CCDC43: variants seen among roughly 807,000 people sequenced by gnomAD.
CCDC43 encodes coiled-coil domain containing 43.
A neutral mutation model predicts 33.3 loss-of-function variants in CCDC43; 20 were observed. The ratio of observed to expected loss-of-function variants is 0.60; its 90% CI spans 0.42 to 0.87. The LOEUF (loss-of-function observed/expected upper bound fraction) is 0.87, where lower values mean the gene tolerates loss of function less well. Among genes scored for constraint, CCDC43 ranks in the 40% least tolerant of loss-of-function variants. The pLI is 0.00. For missense variants in CCDC43, 248 were observed against 269.9 expected (o/e 0.92, Z 0.57); for synonymous variants, 104 against 106.5 (o/e 0.98, Z 0.14).
rs1267728968 is a variant in CCDC43 at position 44,677,976 on chromosome 17, CAATA to C, written c.*876_*879del. 2.6e-5 allele frequency: 4 copies of C among 152,558 alleles called. No individual in the cohort carries two copies. The highest frequency in any genetic ancestry group is 6.6e-5 in the Admixed American group (1 of 15,262). The allele number at this position is 152,558 out of a possible 1,614,324, so 9.5% of individuals were successfully genotyped here. A position where few individuals can be genotyped will look rare whatever the true frequency, so the allele number is the denominator to read the frequency against. ...CAGTTTTTCCATTCACTCATTCATT[CAATA>C]AATTTGTTGAGCACCTACTATGTAC... On this transcript the variant is annotated 3_prime_UTR_variant, in exon 5 of 5. Transcript: ENST00000315286.
intron 1 of CCDC43, among the ~76,000 whole-genome samples, chr17:44,686,204 C>T (rs560621480): frequency 1.6e-4 from 24 of 152,232 alleles, no homozygotes; most frequent in African/African-American, 5.3e-4. Context: ...TTAGCCACCG[C>T]GCCCAGCCGA....
At chr17:44,688,600 G>A (rs1972276581) in intron 1 of CCDC43, among the ~76,000 whole-genome samples, 2 of 152,148 alleles carry the variant, frequency 1.3e-5, no homozygotes, top group South Asian at 4.1e-4. Context: ...GTAGCAATCA[G>A]GTATCCAGGA....
chr17:44,687,394 C>T (rs996810981), intron 1 of CCDC43, among the ~76,000 whole-genome samples: 8 of 151,940 alleles, frequency 5.3e-5, no homozygotes, highest in Non-Finnish European at 5.9e-5. Flanking sequence ...CGAGATTTTG[C>T]TACTGCACTC....
At chr17:44,689,382 G>T in intron 1 of CCDC43, 168 bp downstream of exon 1, 1 of 956,200 alleles carries the variant, frequency 1.0e-6, no homozygotes, top group Non-Finnish European at 1.5e-6. Flanking sequence ...CCCACACCTG[G>T]TTGGGGAGCA....
At chr17:44,679,624 G>A (rs2144686278) in intron 4 of CCDC43, among the ~76,000 whole-genome samples, 1 of 152,360 alleles carries the variant, frequency 6.6e-6, no homozygotes, top group East Asian at 1.9e-4. Context: ...GCTGGGCGCA[G>A]TGGCTCATGC....
chr17:44,689,303 C>T (rs1255787987), intron 1 of CCDC43: 2 of 546,088 alleles, frequency 3.7e-6, no homozygotes, highest in Non-Finnish European at 6.5e-6. Flanking sequence ...TCACAAGCAT[C>T]GGAGAGGGCC....
intron 1 of CCDC43, among the ~76,000 whole-genome samples, chr17:44,685,946 C>CTCTGTT (rs2144695322): frequency 6.6e-6 from 1 of 152,076 alleles, no homozygotes; most frequent in East Asian, 1.9e-4. Context: ...CGGAGTCTCG[C>CTCTGTT]TCTGTTGCCC....
chr17:44,683,462 G>C (rs1351891936), intron 2 of CCDC43, among the ~76,000 whole-genome samples: 1 of 152,040 alleles, frequency 6.6e-6, no homozygotes, highest in African/African-American at 2.4e-5. Flanking sequence ...CTGGGAGGCA[G>C]CAGTTACAGT....
chr17:44,681,924 T>C, intron 3 of CCDC43, 79 bp downstream of exon 3: 1 of 1,570,964 alleles, frequency 6.4e-7, no homozygotes, highest in Non-Finnish European at 8.7e-7. Flanking sequence ...GATTAGCAAC[T>C]TGCCAAAGGT....
At chr17:44,679,641 TC>T (rs1972126871) in intron 4 of CCDC43, among the ~76,000 whole-genome samples, 1 of 152,170 alleles carries the variant, frequency 6.6e-6, no homozygotes. Flanking sequence ...ATGCCTGTAA[TC>T]CCAGCACTTG....
At chr17:44,683,066 C>G (rs909412532) in intron 2 of CCDC43, among the ~76,000 whole-genome samples, 1 of 152,130 alleles carries the variant, frequency 6.6e-6, no homozygotes, top group Non-Finnish European at 1.5e-5. Context: ...TGAGAACCAA[C>G]AGTGTACAGA....
chr17:44,678,778 C>T lies in CCDC43; in HGVS notation c.*78G>A. ...TGCCTTGGGAAACTACTTTGCAATG[C>T]ACTCTCATTTCTCTTAAATACACAA... On this transcript the variant is annotated 3_prime_UTR_variant, in exon 5 of 5. Transcript: ENST00000315286. The T allele has an allele frequency of 2.2e-6, 3 of 1,385,966 alleles. No individual in the cohort carries two copies. In the South Asian group the frequency reaches 4.4e-5, roughly 20 times the overall value. 85.9% of individuals were successfully genotyped at this position (1,385,966 alleles called of 1,614,324 possible).
rs758568460 is a variant in CCDC43 at position 44,689,771 on chromosome 17, G to A, written c.-18C>T. The A allele has an allele frequency of 2.2e-5, 34 of 1,542,710 alleles. 1 individual carries two copies. In the South Asian group the frequency reaches 3.6e-4, roughly 16 times the overall value. On this transcript the variant is annotated 5_prime_UTR_variant, in exon 1 of 5. Coordinates refer to ENST00000315286, the MANE Select transcript of CCDC43 (RefSeq NM_144609.3). The stretch of plus-strand genomic sequence containing the variant: ...GCCGCCATCTTGGGGTCAGGGTCCT[G>A]CAAGCCCCTAGGGCGCCTACCGCAG...
At chr17:44,689,211 A>C in intron 1 of CCDC43, 2 of 327,822 alleles carry the variant, frequency 6.1e-6, no homozygotes, top group Non-Finnish European at 1.2e-5. Flanking sequence ...AACGGATGGA[A>C]ATGGAATTGG....
In CCDC43 at chr17:44,682,072, A is replaced by C. The variant is rs1972171216; in HGVS notation, c.359T>G (p.Val120Gly). 6.2e-7 allele frequency: 1 copy of C among 1,614,018 alleles called. No individual in the cohort carries two copies. The highest frequency in any genetic ancestry group is 8.5e-7 in the Non-Finnish European group (1 of 1,179,892). The part of the protein sequence containing the change: ...QAQIVVKPRM[V>G]SEEEKQRKAA... ...TTTTCTCTGCTTCTCCTCTTCTGAC[A>C]CCATCCTTGGCTTTACTACGATTTG... Residue 120 changes from valine (V) to glycine (G), a missense_variant, in exon 3 of 5, where the codon GTG (valine) becomes GGG (glycine). Physicochemically the swap from Val to Gly is moderately radical, Grantham distance 109 (BLOSUM62 -3). Transcript: ENST00000315286.
intron 1 of CCDC43, 56 bp downstream of exon 1, chr17:44,689,494 C>T: frequency 6.2e-7 from 1 of 1,609,618 alleles, no homozygotes; most frequent in South Asian, 1.1e-5. Flanking sequence ...GTGCAAAGTA[C>T]TGACAGGTCC....
In CCDC43 at chr17:44,680,572, C is replaced by T. The variant is rs1199266220; in HGVS notation, c.487+13G>A. On this transcript the variant is annotated intron_variant, in intron 4 of 4. Transcript: ENST00000315286. ...CTATGGAGAAACACATAGGGAGGGA[C>T]CCAGAAGGATACGTTTGTCAGAACC... 6.3e-7 allele frequency: 1 copy of T among 1,596,040 alleles called. No individual in the cohort carries two copies. The highest frequency in any genetic ancestry group is 2.2e-5 in the East Asian group (1 of 44,628).
At position 44,689,722 on chromosome 17, in the gene CCDC43, G is replaced by A. The variant is rs780839933; in HGVS notation, c.32C>T (p.Ala11Val). 11 of 1,585,836 alleles carry A rather than the reference G, an allele frequency of 6.9e-6. No homozygotes were observed. In the South Asian group the frequency reaches 1.0e-4, roughly 15 times the overall value. Residue 11 changes from alanine to valine, a missense_variant, in exon 1 of 5, where the codon GCC becomes GTC. Ala to Val is a moderately conservative substitution (Grantham distance 64). Transcript: ENST00000315286. MAAPSEVAAI[A>V]PGEGDGGGGG... The stretch of plus-strand genomic sequence containing the variant: ...GCCTCCGCCATCGCCTTCGCCAGGG[G>A]CTATCGCGGCCACTTCGCTGGGCGC...
chr17:44,679,093 C>G (rs1342290066), intron 4 of CCDC43, 50 bp from the exon 5 acceptor site: 1 of 1,438,056 alleles, frequency 7.0e-7, no homozygotes, highest in African/African-American at 1.4e-5. Context: ...ATCACACCTA[C>G]TGCTGCCTTT....
Sources: gnomAD v4.1 joint callset for allele counts (sites outside exome capture counted in the v4.1 genomes callset) on GRCh38, gnomAD v4.1.1 for gene constraint, MANE v1.5 for transcripts, NCBI Gene and HGNC (gene_info 2026-07-23, HGNC 2026-07-21) for gene names.